PAM: variants seen among roughly 807,000 people sequenced by gnomAD.
PAM encodes the protein peptidylglycine alpha-amidating monooxygenase.
A neutral mutation model predicts 122.1 loss-of-function variants in PAM; 72 were observed. The ratio of observed to expected loss-of-function variants is 0.59; its 90% CI spans 0.49 to 0.72. The LOEUF is 0.72. Among genes scored for constraint, PAM ranks in the 30% least tolerant of loss-of-function variants. The probability of loss-of-function intolerance (pLI) is 0.00; values close to 1 mark genes in which losing one functional copy is unlikely to be tolerated. For synonymous variants in PAM, 389 were observed against 404.4 expected (o/e 0.96, Z 0.46); for missense variants, 1,106 against 1,183.7 (o/e 0.93, Z 0.96).
intron 1 of PAM, among the ~76,000 whole-genome samples, chr5:102,790,613 A>G (rs1761804854): frequency 6.6e-6 from 1 of 152,068 alleles, no homozygotes; most frequent in Non-Finnish European, 1.5e-5. Flanking sequence ...TACTTTTGCC[A>G]GGTAGAGAAG....
In PAM at chr5:102,997,189, T is replaced by A. The variant is rs143826838; in HGVS notation, c.1614-5844T>A. Among the ~76,000 whole-genome samples the A allele has an allele frequency of 4.1e-3, 626 of 152,306 alleles. 7 individuals carry two copies. The highest frequency in any genetic ancestry group is 0.014 in the African/African-American group (598 of 41,574). ...AGACCCAGATAATTAGTTGTTACAT[T>A]GTAACAAGATACTGGGAAAGATATC... On this transcript the variant is annotated intron_variant, in intron 16 of 25. Coordinates refer to ENST00000438793, the MANE Select transcript of PAM (RefSeq NM_001177306.2).
intron 7 of PAM, among the ~76,000 whole-genome samples, chr5:102,932,156 G>A (rs777873993): frequency 3.9e-5 from 6 of 152,138 alleles, no homozygotes; most frequent in Non-Finnish European, 7.4e-5. Flanking sequence ...AACCCTTTAA[G>A]TACTATAATG....
At chr5:102,772,155 T>G (rs988448425) in intron 1 of PAM, among the ~76,000 whole-genome samples, 1 of 152,140 alleles carries the variant, frequency 6.6e-6, no homozygotes, top group African/African-American at 2.4e-5. Context: ...GTGGTTGTAA[T>G]TATTCTTTGA....
At chr5:102,934,896 A>C (rs1255782882) in intron 7 of PAM, among the ~76,000 whole-genome samples, 9 of 152,208 alleles carry the variant, frequency 5.9e-5, no homozygotes, top group Admixed American at 5.9e-4. Context: ...TCAGAATTGC[A>C]ATAAATTCCA....
At chr5:102,988,919 A>G (rs572073427) in intron 15 of PAM, among the ~76,000 whole-genome samples, 91 of 152,272 alleles carry the variant, frequency 6.0e-4, no homozygotes, top group African/African-American at 1.9e-3. Context: ...CATCCTTTCA[A>G]GTTTTCATAG....
chr5:102,866,485 A>C, intron 2 of PAM: 2 of 554,064 alleles, frequency 3.6e-6, no homozygotes, highest in Non-Finnish European at 6.5e-6. Flanking sequence ...GGCTTTCAAA[A>C]CTCCAATTAG....
At chr5:102,860,183 G>C (rs1457018336) in intron 1 of PAM, among the ~76,000 whole-genome samples, 1 of 152,148 alleles carries the variant, frequency 6.6e-6, no homozygotes, top group Non-Finnish European at 1.5e-5. Context: ...GCCTGGCATG[G>C]GGCATTGGAG....
Position 102,776,845 on chromosome 5 carries a change from T to C in PAM, c.-374+21497T>C, listed in dbSNP as rs182641891. The stretch of plus-strand genomic sequence containing the variant: ...TTTATAGTTCTCAGAAAAATTTTGT[T>C]TTCCTTTTGTATGTCACACATTTCT... On this transcript the variant is annotated intron_variant, in intron 1 of 25. Coordinates refer to ENST00000438793, the MANE Select transcript of PAM (RefSeq NM_001177306.2). Among the ~76,000 whole-genome samples, 3 of 152,250 alleles carry C rather than the reference T, an allele frequency of 2.0e-5. No individual in the cohort carries two copies. The East Asian group carries it at 5.8e-4, about 29-fold the overall frequency.
chr5:102,784,670 G>C (rs918068685), intron 1 of PAM, among the ~76,000 whole-genome samples: 3 of 152,126 alleles, frequency 2.0e-5, no homozygotes, highest in African/African-American at 7.2e-5. Flanking sequence ...TATACTCAAC[G>C]TATTTGTTGA....
intron 15 of PAM, among the ~76,000 whole-genome samples, chr5:102,984,113 A>G (rs1001575700): frequency 6.6e-6 from 1 of 152,180 alleles, no homozygotes; most frequent in Non-Finnish European, 1.5e-5. Context: ...AGAAAGAGAA[A>G]GGACTCAAGT....
chr5:102,936,774 T>C (rs568644602), intron 7 of PAM, among the ~76,000 whole-genome samples: 1 of 152,104 alleles, frequency 6.6e-6, no homozygotes, highest in Non-Finnish European at 1.5e-5. Context: ...AGCCAATGTA[T>C]TACTAGAATA....
At chr5:103,015,191 T>C (rs1348529269) in intron 21 of PAM, among the ~76,000 whole-genome samples, 1 of 152,230 alleles carries the variant, frequency 6.6e-6, no homozygotes, top group Non-Finnish European at 1.5e-5. Context: ...GAAGTACACA[T>C]TGGTATGCCA....
intron 1 of PAM, among the ~76,000 whole-genome samples, chr5:102,781,955 G>A (rs1172673717): frequency 6.6e-6 from 1 of 152,138 alleles, no homozygotes. Context: ...CTTGCCCAAG[G>A]TCGTAAGGGT....
intron 1 of PAM, chr5:102,865,553 G>C (rs953580056): frequency 6.6e-6 from 1 of 152,386 alleles, no homozygotes; most frequent in African/African-American, 2.4e-5. Flanking sequence ...GGGATAAAGG[G>C]GGGAAGAAGT....
At chr5:102,893,012 TGG>T (rs1795192873) in intron 3 of PAM, among the ~76,000 whole-genome samples, 1 of 151,798 alleles carries the variant, frequency 6.6e-6, no homozygotes, top group African/African-American at 2.4e-5. Context: ...CTGTGACCTC[TGG>T]GTATCAAGGG....
intron 3 of PAM, among the ~76,000 whole-genome samples, chr5:102,872,958 C>G (rs2151025497): frequency 6.6e-6 from 1 of 152,148 alleles, no homozygotes; most frequent in Non-Finnish European, 1.5e-5. Flanking sequence ...TAAAAACTAC[C>G]TACAGCCTAC....
chr5:102,919,329 G>A (rs1404703007), intron 5 of PAM, among the ~76,000 whole-genome samples: 1 of 151,982 alleles, frequency 6.6e-6, no homozygotes, highest in Non-Finnish European at 1.5e-5. Flanking sequence ...TTTTTTAAAG[G>A]TGATGTTGTT....
At chr5:102,837,575 A>G (rs1206932221) in intron 1 of PAM, 1 of 152,208 alleles carries the variant, frequency 6.6e-6, no homozygotes, top group African/African-American at 2.4e-5. Flanking sequence ...AAAATCTGAT[A>G]TAAGGATTAA....
At chr5:103,018,669 AAAAC>A (rs1782700681) in intron 22 of PAM, among the ~76,000 whole-genome samples, 1 of 152,226 alleles carries the variant, frequency 6.6e-6, no homozygotes, top group Non-Finnish European at 1.5e-5. Context: ...TTTCAGAACA[AAAAC>A]AAATGCAAAA....
Sources: allele counts gnomAD v4.1 joint callset (sites outside exome capture counted in the v4.1 genomes callset), GRCh38; gene constraint gnomAD v4.1.1; transcripts MANE v1.5; gene names NCBI Gene and HGNC (gene_info 2026-07-23, HGNC 2026-07-21).